The following DSCAM variants were observed in gnomAD, a reference collection of about 807,000 sequenced individuals.
DSCAM encodes the protein cell adhesion molecule DSCAM.
A neutral mutation model predicts 217.7 loss-of-function variants in DSCAM; 47 were observed. The observed-to-expected ratio is 0.22, with a 90% CI of 0.17 to 0.28. DSCAM has a LOEUF of 0.28. DSCAM is among the 10% of genes least tolerant of loss of function. The pLI is 1.00. For missense variants in DSCAM, 2,080 were observed against 2,618.3 expected, an observed-to-expected ratio of 0.79 and a Z score of 4.49; for synonymous variants, 1,056 against 1,015.3, an observed-to-expected ratio of 1.04 and a Z score of -0.76.
intron 1 of DSCAM, among the ~76,000 whole-genome samples, chr21:40,778,663 G>A (rs1179654964): frequency 1.3e-5 from 2 of 152,106 alleles, no homozygotes; most frequent in Non-Finnish European, 2.9e-5. Context: ...GGATGTATAA[G>A]GATGATAAAG....
chr21:40,404,686 T>A (rs2123783454), intron 3 of DSCAM, among the ~76,000 whole-genome samples: 1 of 152,358 alleles, frequency 6.6e-6, no homozygotes, highest in East Asian at 1.9e-4. Context: ...GGGCTTGTCA[T>A]ACACCAGGCT....
At chr21:40,224,261 A>G (rs2091312510) in intron 11 of DSCAM, among the ~76,000 whole-genome samples, 1 of 152,224 alleles carries the variant, frequency 6.6e-6, no homozygotes, top group Non-Finnish European at 1.5e-5. Context: ...TATTTCAAAC[A>G]AGATCTGGTT....
At chr21:40,326,399 G>A (rs954842366) in intron 8 of DSCAM, among the ~76,000 whole-genome samples, 10 of 152,282 alleles carry the variant, frequency 6.6e-5, no homozygotes, top group African/African-American at 2.4e-4. Flanking sequence ...GTTTCATTGA[G>A]ACAAAATAGA....
At chr21:40,495,426 G>A (rs550258409) in intron 3 of DSCAM, among the ~76,000 whole-genome samples, 1 of 152,190 alleles carries the variant, frequency 6.6e-6, no homozygotes, top group East Asian at 1.9e-4. Flanking sequence ...CCACAATGAA[G>A]GGGAAAACCA....
chr21:40,743,643 C>G (rs183284323), intron 1 of DSCAM, among the ~76,000 whole-genome samples: 1 of 151,878 alleles, frequency 6.6e-6, no homozygotes, highest in Non-Finnish European at 1.5e-5. Context: ...TAAAGAAGTA[C>G]ATTTAAAAAA....
At chr21:40,799,338 C>T (rs569320400) in intron 1 of DSCAM, among the ~76,000 whole-genome samples, 1 of 152,160 alleles carries the variant, frequency 6.6e-6, no homozygotes, top group African/African-American at 2.4e-5. Flanking sequence ...ATTACCTTCC[C>T]TATGCAGGAA....
At chr21:40,819,972 A>C (rs778319346) in intron 1 of DSCAM, among the ~76,000 whole-genome samples, 5 of 152,160 alleles carry the variant, frequency 3.3e-5, no homozygotes, top group Non-Finnish European at 7.3e-5. Flanking sequence ...TAAGGCAGGA[A>C]GTTGACAATT....
intron 3 of DSCAM, among the ~76,000 whole-genome samples, chr21:40,471,552 T>G (rs1029996298): frequency 1.8e-4 from 27 of 152,288 alleles, no homozygotes; most frequent in African/African-American, 6.3e-4. Context: ...AACAACCTGA[T>G]CAGCTGGCTA....
At chr21:40,571,078 G>A (rs543519335) in intron 3 of DSCAM, among the ~76,000 whole-genome samples, 11 of 151,752 alleles carry the variant, frequency 7.2e-5, no homozygotes, top group African/African-American at 2.7e-4. Context: ...TACATCAGAG[G>A]TGAACCTTAA....
chr21:40,358,067 G>A (rs1299766798), intron 4 of DSCAM, among the ~76,000 whole-genome samples: 2 of 152,044 alleles, frequency 1.3e-5, no homozygotes, highest in Non-Finnish European at 2.9e-5. Context: ...CTTTGGCAGG[G>A]GTGGCTGACA....
chr21:40,588,025 C>T (rs559099878), intron 3 of DSCAM, among the ~76,000 whole-genome samples: 48 of 152,242 alleles, frequency 3.2e-4, no homozygotes, highest in African/African-American at 1.1e-3. Flanking sequence ...TGCATGGCTT[C>T]CAATATTGCA....
chr21:40,113,386 T>G (rs2089925645), intron 20 of DSCAM, among the ~76,000 whole-genome samples: 1 of 152,092 alleles, frequency 6.6e-6, no homozygotes, highest in Non-Finnish European at 1.5e-5. Context: ...AAACTCTCAA[T>G]AAATTAGGTA....
At chr21:40,222,701 T>C (rs1003786448) in intron 11 of DSCAM, among the ~76,000 whole-genome samples, 1 of 151,208 alleles carries the variant, frequency 6.6e-6, no homozygotes, top group Non-Finnish European at 1.5e-5. Flanking sequence ...AGTATATTTA[T>C]GATAATATGT....
At position 40,712,398 on chromosome 21, in the gene DSCAM, G is replaced by T. The variant is rs373232885; in HGVS notation, c.44-3627C>A. On this transcript the variant is annotated intron_variant, in intron 1 of 32. Transcript: ENST00000400454. ...GAATGGCGTGAACCCGGGAAGCGGA[G>T]CTTGCAGTGAGCCGAGATTGCGCCA... Among the ~76,000 whole-genome samples the T allele has an allele frequency of 8.2e-5, 12 of 146,170 alleles. No homozygotes were observed. The East Asian group carries it at 2.0e-3, about 25-fold the overall frequency.
Position 40,562,965 on chromosome 21 carries a change from T to C in DSCAM, c.508+129845A>G, listed in dbSNP as rs4572682. On this transcript the variant is annotated intron_variant, in intron 3 of 32. Coordinates refer to ENST00000400454, the MANE Select transcript of DSCAM (RefSeq NM_001389.5). ...AAACAAAGCATCTTATATTTTTCTTTTTATTTCAATTTTTATTTTAGATTC... is the reference window on the plus strand; with the variant it reads ...AAACAAAGCATCTTATATTTTTCTTCTTATTTCAATTTTTATTTTAGATTC... Among the ~76,000 whole-genome samples, 736 of 152,338 alleles carry C rather than the reference T, an allele frequency of 4.8e-3. 6 individuals are homozygous for C. Among genetic ancestry groups the C allele is most frequent in the African/African-American group, 0.016 (681 of 41,562 alleles).
At chr21:40,280,666 G>C (rs2073748714) in intron 10 of DSCAM, among the ~76,000 whole-genome samples, 1 of 152,168 alleles carries the variant, frequency 6.6e-6, no homozygotes, top group Non-Finnish European at 1.5e-5. Flanking sequence ...CCTTCAGAGA[G>C]ATTACGGACT....
chr21:40,601,998 T>C (rs1490036749), intron 3 of DSCAM, among the ~76,000 whole-genome samples: 1 of 151,996 alleles, frequency 6.6e-6, no homozygotes, highest in Non-Finnish European at 1.5e-5. Context: ...CTGTTTTGGT[T>C]TTAGGATAAT....
chr21:40,627,147 T>C (rs575086258), intron 3 of DSCAM, among the ~76,000 whole-genome samples: 1 of 152,262 alleles, frequency 6.6e-6, no homozygotes, highest in East Asian at 1.9e-4. Flanking sequence ...ACACTGCCTC[T>C]CCATAATAGA....
At chr21:40,412,981 C>T (rs1174084721) in intron 3 of DSCAM, among the ~76,000 whole-genome samples, 1 of 152,358 alleles carries the variant, frequency 6.6e-6, no homozygotes, top group Non-Finnish European at 1.5e-5. Flanking sequence ...AGAGCTCAGG[C>T]TGTGGCTTCA....
Sources: allele counts gnomAD v4.1 joint callset (sites outside exome capture counted in the v4.1 genomes callset), GRCh38; gene constraint gnomAD v4.1.1; transcripts MANE v1.5; gene names NCBI Gene and HGNC (gene_info 2026-07-23, HGNC 2026-07-21).